The following CSNK2A2IP variants were observed in gnomAD, a reference collection of about 807,000 sequenced individuals.
CSNK2A2IP encodes the protein casein kinase 2 subunit alpha' interacting protein.
chr3:88,349,675 T>C, the CSNK2A2IP span, among the ~76,000 whole-genome samples: 1 of 152,080 alleles, frequency 6.6e-6, no homozygotes, highest in Admixed American at 6.6e-5. Context: ...CTGAATTGAA[T>C]GGTAAATTTA....
the CSNK2A2IP span, among the ~76,000 whole-genome samples, chr3:88,404,787 T>A: frequency 8.1e-6 from 1 of 123,550 alleles, no homozygotes; most frequent in African/African-American, 2.6e-5. Flanking sequence ...TCTGCCTTCA[T>A]TTATTCCTTT....
At chr3:88,386,236 C>T in the CSNK2A2IP span, among the ~76,000 whole-genome samples, 8 of 152,032 alleles carry the variant, frequency 5.3e-5, no homozygotes, top group Middle Eastern at 3.4e-3. Context: ...GCGATTCTCC[C>T]GCCTCAGTCT....
the CSNK2A2IP span, among the ~76,000 whole-genome samples, chr3:88,351,402 A>C: frequency 6.6e-6 from 1 of 152,064 alleles, no homozygotes; most frequent in Non-Finnish European, 1.5e-5. Context: ...GACGATGTTA[A>C]TTTCTTTTTT....
At chr3:88,394,911 C>T in the CSNK2A2IP span, among the ~76,000 whole-genome samples, 1 of 152,128 alleles carries the variant, frequency 6.6e-6, no homozygotes, top group Admixed American at 6.5e-5. Flanking sequence ...GGGAGAGGAG[C>T]AGCAAAGACT....
At chr3:88,392,102 T>C in the CSNK2A2IP span, among the ~76,000 whole-genome samples, 1 of 152,136 alleles carries the variant, frequency 6.6e-6, no homozygotes, top group East Asian at 1.9e-4. Flanking sequence ...AGGGAATAGC[T>C]AGGAACATGC....
the CSNK2A2IP span, among the ~76,000 whole-genome samples, chr3:88,347,335 G>T: frequency 0.012 from 1,868 of 152,094 alleles, 21 homozygotes; most frequent in Middle Eastern, 0.082. Flanking sequence ...TCTAATGTGG[G>T]TAAAATGCTA....
chr3:88,417,799 T>A, the CSNK2A2IP span, among the ~76,000 whole-genome samples: 2 of 152,356 alleles, frequency 1.3e-5, no homozygotes, highest in East Asian at 3.9e-4. Context: ...GCCTATTTGA[T>A]ATTTTCTATG....
At chr3:88,359,567 C>A in the CSNK2A2IP span, among the ~76,000 whole-genome samples, 1 of 151,858 alleles carries the variant, frequency 6.6e-6, no homozygotes, top group African/African-American at 2.4e-5. Context: ...GTTGTATTTC[C>A]ATTTTCATTT....
At chr3:88,361,474 C>G in the CSNK2A2IP span, among the ~76,000 whole-genome samples, 1 of 152,114 alleles carries the variant, frequency 6.6e-6, no homozygotes, top group Admixed American at 6.5e-5. Flanking sequence ...ACTGAGAAGC[C>G]TGCTGCTAAA....
the CSNK2A2IP span, among the ~76,000 whole-genome samples, chr3:88,371,071 C>T: frequency 2.0e-5 from 3 of 151,342 alleles, no homozygotes; most frequent in Non-Finnish European, 2.9e-5. Context: ...AAACCAACCA[C>T]TCTATGGTAT....
At chr3:88,345,715 T>G in the CSNK2A2IP span, among the ~76,000 whole-genome samples, 24 of 152,036 alleles carry the variant, frequency 1.6e-4, no homozygotes, top group African/African-American at 5.8e-4. Context: ...CAACTGGACA[T>G]TCCCCCGTCT....
At chr3:88,466,940 C>G in the CSNK2A2IP span, 2 of 1,231,514 alleles carry the variant, frequency 1.6e-6, no homozygotes, top group Non-Finnish European at 2.0e-6. Flanking sequence ...CTACCAGAGA[C>G]TTTCTCATCT....
At chr3:88,445,200 G>A in the CSNK2A2IP span, among the ~76,000 whole-genome samples, 8 of 145,282 alleles carry the variant, frequency 5.5e-5, no homozygotes, top group South Asian at 2.2e-4. Flanking sequence ...ACGCTGAGGC[G>A]GGAGAATCAC....
the CSNK2A2IP span, among the ~76,000 whole-genome samples, chr3:88,440,989 T>G: frequency 6.6e-6 from 1 of 152,174 alleles, no homozygotes; most frequent in Admixed American, 6.5e-5. Flanking sequence ...AAAAGGAAAC[T>G]TTGGCTGCCT....
chr3:88,387,945 T>C, the CSNK2A2IP span, among the ~76,000 whole-genome samples: 2 of 152,140 alleles, frequency 1.3e-5, no homozygotes, highest in African/African-American at 4.8e-5. Flanking sequence ...CAGGTTGATT[T>C]CTAACTCTTG....
chr3:88,414,186 CAT>C, the CSNK2A2IP span, among the ~76,000 whole-genome samples: 6 of 140,406 alleles, frequency 4.3e-5, no homozygotes, highest in African/African-American at 1.6e-4. Flanking sequence ...TAACAAGTAA[CAT>C]ATATATGTAT....
the CSNK2A2IP span, chr3:88,466,136 C>T: frequency 3.1e-5 from 38 of 1,231,480 alleles, no homozygotes; most frequent in Non-Finnish European, 3.7e-5. Context: ...TGGACATCAC[C>T]TTCTTTCAAA....
At chr3:88,352,753 T>C in the CSNK2A2IP span, among the ~76,000 whole-genome samples, 2 of 152,012 alleles carry the variant, frequency 1.3e-5, no homozygotes, top group Non-Finnish European at 2.9e-5. Context: ...TTAATTATTG[T>C]ATTTTAAAAA....
the CSNK2A2IP span, among the ~76,000 whole-genome samples, chr3:88,413,621 A>ATG: frequency 1.3e-5 from 2 of 151,590 alleles, no homozygotes; most frequent in Non-Finnish European, 2.9e-5. Flanking sequence ...GTGTGTGTGT[A>ATG]TGTGTGTGTG....
Sources: allele counts gnomAD v4.1 joint callset (sites outside exome capture counted in the v4.1 genomes callset), GRCh38; gene constraint gnomAD v4.1.1; transcripts MANE v1.5; gene names NCBI Gene and HGNC (gene_info 2026-07-23, HGNC 2026-07-21).